TMTC2: variants seen among roughly 807,000 people sequenced by gnomAD.
The protein encoded by TMTC2 is protein O-mannosyl-transferase TMTC2.
A neutral mutation model predicts 82.4 loss-of-function variants in TMTC2; 43 were observed. That is an observed-to-expected ratio of 0.52 (90% CI 0.41 to 0.67). TMTC2 has a LOEUF of 0.67. Ranked by LOEUF, TMTC2 falls within the 30% of genes least tolerant of loss-of-function variation. The pLI is 0.00. For synonymous variants in TMTC2, 408 were observed against 381.9 expected (o/e 1.07, Z -0.80); for missense variants, 919 against 1,012.4 (o/e 0.91, Z 1.25).
chr12:82,827,280 A>G (rs1869467963), intron 1 of TMTC2, among the ~76,000 whole-genome samples: 1 of 152,124 alleles, frequency 6.6e-6, no homozygotes, highest in African/African-American at 2.4e-5. Context: ...TCCCTCTCTC[A>G]TGTAAGTGGA....
At chr12:82,965,156 T>C (rs371012534) in intron 5 of TMTC2, 47 bp downstream of exon 5, 5 of 1,383,566 alleles carry the variant, frequency 3.6e-6, no homozygotes, top group South Asian at 1.2e-5. Flanking sequence ...TTTCCATATT[T>C]GAAAATTAAC....
Position 82,787,692 on chromosome 12 carries a change from C to T in TMTC2, c.84-69318C>T, listed in dbSNP as rs184105017. Reference sequence around the variant, plus strand: ...GGGAAGCCGAGGTGGGTGGATCACACGAGGTCAGGAGTTTGAGACCAGCCT... The same window carrying T: ...GGGAAGCCGAGGTGGGTGGATCACATGAGGTCAGGAGTTTGAGACCAGCCT... On this transcript the variant is annotated intron_variant, in intron 1 of 11. Transcript: ENST00000321196. Among the ~76,000 whole-genome samples, 1,009 of 152,090 alleles carry T rather than the reference C, an allele frequency of 6.6e-3. 45 individuals carry two copies. The highest frequency in any genetic ancestry group is 0.058 in the Admixed American group (882 of 15,250).
intron 1 of TMTC2, among the ~76,000 whole-genome samples, chr12:82,838,814 G>A (rs114777884): frequency 6.1e-5 from 9 of 147,304 alleles, no homozygotes; most frequent in South Asian, 2.1e-4. Flanking sequence ...TGAGTAGGAC[G>A]ATGGCTTTAT....
intron 1 of TMTC2, among the ~76,000 whole-genome samples, chr12:82,779,092 C>T (rs12814674): frequency 6.6e-6 from 1 of 151,090 alleles, no homozygotes; most frequent in African/African-American, 2.4e-5. Flanking sequence ...CTGAGTAGCT[C>T]TCTGGGCAAA....
chr12:82,949,449 G>A, intron 4 of TMTC2, among the ~76,000 whole-genome samples: 1 of 152,160 alleles, frequency 6.6e-6, no homozygotes, highest in Non-Finnish European at 1.5e-5. Flanking sequence ...CATGGGAAGG[G>A]TAATGGGGAA....
At chr12:82,720,538 C>A (rs1051306602) in intron 1 of TMTC2, among the ~76,000 whole-genome samples, 2 of 152,070 alleles carry the variant, frequency 1.3e-5, no homozygotes, top group Non-Finnish European at 2.9e-5. Context: ...ATAGTACTGC[C>A]TTGAACAATA....
chr12:83,110,107 C>T (rs182129668), intron 11 of TMTC2, among the ~76,000 whole-genome samples: 6 of 152,320 alleles, frequency 3.9e-5, no homozygotes, highest in Admixed American at 2.6e-4. Flanking sequence ...GAAGTAATCA[C>T]AGAGAACTTC....
At chr12:82,922,010 G>A (rs1002768761) in intron 3 of TMTC2, among the ~76,000 whole-genome samples, 1 of 151,846 alleles carries the variant, frequency 6.6e-6, no homozygotes, top group African/African-American at 2.4e-5. Flanking sequence ...GGGAGGCTGA[G>A]GTGGGAGGAT....
At chr12:83,016,374 G>A (rs1319658774) in intron 8 of TMTC2, among the ~76,000 whole-genome samples, 1 of 152,166 alleles carries the variant, frequency 6.6e-6, no homozygotes, top group Non-Finnish European at 1.5e-5. Context: ...GCGTAAGTAT[G>A]CCTACTCTTT....
intron 10 of TMTC2, among the ~76,000 whole-genome samples, chr12:83,053,958 C>T (rs1479899944): frequency 6.6e-6 from 1 of 151,986 alleles, no homozygotes. Flanking sequence ...TTTTAGAGAA[C>T]CACAGTAGGA....
chr12:82,699,815 C>A (rs555267912), intron 1 of TMTC2, among the ~76,000 whole-genome samples: 2 of 152,210 alleles, frequency 1.3e-5, no homozygotes, highest in African/African-American at 4.8e-5. Flanking sequence ...AATCCCAGAA[C>A]TATTATAGCC....
intron 7 of TMTC2, among the ~76,000 whole-genome samples, chr12:82,980,570 G>A (rs1403898159): frequency 6.6e-6 from 1 of 150,882 alleles, no homozygotes; most frequent in African/African-American, 2.4e-5. Flanking sequence ...GAAATCAGTT[G>A]GGACCATTTT....
intron 1 of TMTC2, among the ~76,000 whole-genome samples, chr12:82,731,568 G>A (rs1223317731): frequency 3.3e-5 from 5 of 152,152 alleles, no homozygotes; most frequent in African/African-American, 4.8e-5. Flanking sequence ...TCAGAAAGCC[G>A]ACATAGAAAT....
At chr12:82,716,338 A>C (rs1873894895) in intron 1 of TMTC2, among the ~76,000 whole-genome samples, 1 of 151,200 alleles carries the variant, frequency 6.6e-6, no homozygotes, top group Non-Finnish European at 1.5e-5. Flanking sequence ...TGGTACATTC[A>C]CATTCGTATG....
intron 1 of TMTC2, among the ~76,000 whole-genome samples, chr12:82,843,729 C>A (rs1255250721): frequency 1.3e-5 from 2 of 152,020 alleles, no homozygotes; most frequent in African/African-American, 4.8e-5. Flanking sequence ...GGGTGGATCA[C>A]TTGAGGTCTG....
intron 7 of TMTC2, among the ~76,000 whole-genome samples, chr12:82,981,414 A>G (rs139257161): frequency 6.4e-4 from 97 of 151,918 alleles, no homozygotes; most frequent in African/African-American, 2.1e-3. Flanking sequence ...AGAGAGAGTG[A>G]CATTATTTGT....
chr12:82,994,351 G>A (rs1879524656), intron 8 of TMTC2, among the ~76,000 whole-genome samples: 2 of 152,010 alleles, frequency 1.3e-5, no homozygotes, highest in African/African-American at 4.8e-5. Context: ...CGCCATGTTG[G>A]CCAGGCTGGT....
intron 11 of TMTC2, among the ~76,000 whole-genome samples, chr12:83,097,334 A>C (rs950269728): frequency 1.3e-5 from 2 of 152,196 alleles, no homozygotes; most frequent in Non-Finnish European, 2.9e-5. Context: ...ACACATGCAA[A>C]CACAAATGAA....
At position 82,765,723 on chromosome 12, in the gene TMTC2, A is replaced by C. The variant is rs184614507; in HGVS notation, c.83+78054A>C. Among the ~76,000 whole-genome samples, 1,028 of 152,198 alleles carry C rather than the reference A, an allele frequency of 6.8e-3. 37 individuals are homozygous for C. The highest frequency in any genetic ancestry group is 0.058 in the Admixed American group (878 of 15,268). On this transcript the variant is annotated intron_variant, in intron 1 of 11. Transcript: ENST00000321196. ...AAAACAAACAAACAAACAAAAAAAAACAAAGAAAAAACAGGTACCTTGCTA... is the reference window on the plus strand; with the variant it reads ...AAAACAAACAAACAAACAAAAAAAACCAAAGAAAAAACAGGTACCTTGCTA...
Sources: allele counts gnomAD v4.1 joint callset (sites outside exome capture counted in the v4.1 genomes callset), GRCh38; gene constraint gnomAD v4.1.1; transcripts MANE v1.5; gene names NCBI Gene and HGNC (gene_info 2026-07-23, HGNC 2026-07-21).